CYB561: variants seen among roughly 807,000 people sequenced by gnomAD.
CYB561 encodes the protein transmembrane ascorbate-dependent reductase CYB561.
CYB561 carries 11 observed loss-of-function variants against 25.3 expected under a neutral mutation model. The observed-to-expected ratio is 0.44, with a 90% CI of 0.27 to 0.72. The LOEUF is 0.72. Ranked by LOEUF, CYB561 falls within the 30% of genes least tolerant of loss-of-function variation. The probability of loss-of-function intolerance (pLI) is 0.18; values close to 1 mark genes in which losing one functional copy is unlikely to be tolerated. For missense variants in CYB561, 295 were observed against 334.9 expected, an observed-to-expected ratio of 0.88 and a Z score of 0.93; for synonymous variants, 165 against 158.8, an observed-to-expected ratio of 1.04 and a Z score of -0.29.
Position 63,434,359 on chromosome 17 carries a change from G to C in CYB561, c.*43C>G, listed in dbSNP as rs73327747. 3.6e-3 allele frequency: 5,443 copies of C among 1,494,896 alleles called. 162 individuals are homozygous for C. The African/African-American group carries it at 0.064, about 18-fold the overall frequency. The allele number at this position is 1,494,896 out of a possible 1,614,324, so 92.6% of individuals were successfully genotyped here. A position where few individuals can be genotyped will look rare whatever the true frequency, so the allele number is the denominator to read the frequency against. On this transcript the variant is annotated 3_prime_UTR_variant, in exon 6 of 6. Coordinates refer to ENST00000360793, the MANE Select transcript of CYB561 (RefSeq NM_001915.4). ...TCCTGAAGACGCCTCAGCAGGGGCA[G>C]GCAAGAAGACACCCCGCGAACCCCC... is the stretch of plus-strand genomic sequence containing the variant.
intron 1 of CYB561, among the ~76,000 whole-genome samples, chr17:63,441,898 G>A (rs573803321): frequency 6.6e-5 from 10 of 152,336 alleles, no homozygotes; most frequent in Admixed American, 4.6e-4. Flanking sequence ...GCACTGGTGC[G>A]TGCAAGACAG....
intron 1 of CYB561, 144 bp downstream of exon 1, chr17:63,446,101 T>G (rs1468925310): frequency 1.3e-5 from 2 of 152,194 alleles, no homozygotes; most frequent in African/African-American, 4.8e-5. Context: ...CGCAGTCCAG[T>G]GCGCGGCCGC....
rs2049290929 is a variant in CYB561, at chr17:63,435,739, G to C, written c.354C>G (p.Tyr118Ter). 1 of 1,614,120 alleles carries C rather than the reference G, an allele frequency of 6.2e-7. No homozygotes were observed. Among genetic ancestry groups the C allele is most frequent in the African/African-American group, 1.3e-5 (1 of 74,936 alleles). ...GGATCCCGCACCAGCTGTGTAGGCT[G>C]TACAGGTCAGCGTAGCCCTTCTTCC... ...YHRKKGYADL[Y>*]SLHSWCGILV... Residue 118 changes from tyrosine (Y) to a stop codon, truncating the protein, a stop_gained, in exon 4 of 6, where the codon TAC becomes TAG. Transcript: ENST00000360793. LOFTEE classifies it high-confidence loss of function.
Position 63,436,070 on chromosome 17 carries a change from G to C in CYB561, c.285C>G (p.Leu95=), listed in dbSNP as rs372231804. Residue 95 remains leucine, a synonymous_variant, in exon 3 of 6, where the codon CTC becomes CTG. Transcript: ENST00000360793. This position sits in a 1 kb window ranked among gnomAD's most constrained non-coding sequence, Gnocchi z 4.8. ...GGAACTCACCAACCAGGGCGATGAC[G>C]AGCGCAAAGATGTGCAGCAGCCCGT... ...VLHGLLHIFA[L]VIALVGLVAV... 2.5e-6 allele frequency: 4 copies of C among 1,614,186 alleles called. No individual in the cohort carries two copies. The highest frequency in any genetic ancestry group is 1.7e-5 in the Admixed American group (1 of 60,032).
At chr17:63,444,358 C>T (rs1432835971) in intron 1 of CYB561, among the ~76,000 whole-genome samples, 1 of 152,234 alleles carries the variant, frequency 6.6e-6, no homozygotes, top group Non-Finnish European at 1.5e-5. Flanking sequence ...CTTCTCCAAG[C>T]CTGCTTCCTA....
At chr17:63,440,389 C>T (rs2049362947) in intron 1 of CYB561, among the ~76,000 whole-genome samples, 1 of 152,170 alleles carries the variant, frequency 6.6e-6, no homozygotes, top group Admixed American at 6.5e-5. Context: ...CCCTCCTGAG[C>T]ATCCTCACTG....
At chr17:63,442,464 A>G (rs1243515033) in intron 1 of CYB561, among the ~76,000 whole-genome samples, 1 of 152,146 alleles carries the variant, frequency 6.6e-6, no homozygotes, top group East Asian at 1.9e-4. Flanking sequence ...CAGTCTTGAC[A>G]GCAAGAATAC....
rs565513191 is a variant in CYB561, at chr17:63,433,218, A to G, written c.*1184T>C. ...TGGCTAATTTTTTTGTATTTTTAGT[A>G]GAGACGGGGTTTCACTGTGTTTGTT... On this transcript the variant is annotated 3_prime_UTR_variant, in exon 6 of 6. Coordinates refer to ENST00000360793, the MANE Select transcript of CYB561 (RefSeq NM_001915.4). 2.0e-5 allele frequency: 8 copies of G among 391,334 alleles called. 1 individual carries two copies. The Admixed American group carries it at 2.7e-4, about 13-fold the overall frequency. The allele number at this position is 391,334 out of a possible 1,614,324, so 24.2% of individuals were successfully genotyped here. A position where few individuals can be genotyped will look rare whatever the true frequency, so the allele number is the denominator to read the frequency against.
chr17:63,437,834 A>T (rs1391115388), intron 1 of CYB561: 3 of 346,942 alleles, frequency 8.6e-6, no homozygotes, highest in Non-Finnish European at 1.6e-5. Flanking sequence ...ACCCCGCTAG[A>T]TGGGCACAGC....
intron 1 of CYB561, chr17:63,437,974 C>CCCCCCCCCCCCCCCA: frequency 1.5e-5 from 10 of 652,530 alleles, no homozygotes; most frequent in South Asian, 1.8e-5. Context: ...ACGGCGGCCC[C>CCCCCCCCCCCCCCCA]GCCACCCTCC....
intron 3 of CYB561, 58 bp from the exon 4 acceptor site, chr17:63,435,849 G>T: frequency 6.3e-7 from 1 of 1,594,144 alleles, no homozygotes; most frequent in South Asian, 1.1e-5. Context: ...GAAGGTGTAA[G>T]ATGACCCAGG....
intron 1 of CYB561, 179 bp from the exon 2 acceptor site, chr17:63,437,739 C>A: frequency 2.2e-6 from 1 of 459,626 alleles, no homozygotes; most frequent in Admixed American, 3.7e-5. Context: ...GCACAGCCCC[C>A]CCCGAAATGC....
At chr17:63,439,801 T>C (rs2049356838) in intron 1 of CYB561, among the ~76,000 whole-genome samples, 1 of 152,216 alleles carries the variant, frequency 6.6e-6, no homozygotes, top group Non-Finnish European at 1.5e-5. Context: ...ATCATCATTT[T>C]CGTAACCTCA....
chr17:63,438,819 G>A (rs1242784998), intron 1 of CYB561, among the ~76,000 whole-genome samples: 3 of 152,224 alleles, frequency 2.0e-5, no homozygotes, highest in Non-Finnish European at 4.4e-5. Context: ...GCCGGCCGGA[G>A]AGCACCCAGC....
intron 1 of CYB561, 189 bp from the exon 2 acceptor site, chr17:63,437,749 C>T (rs1257042152): frequency 7.0e-6 from 3 of 425,802 alleles, no homozygotes; most frequent in South Asian, 2.1e-5. Context: ...CCCCGAAATG[C>T]GCACAGCCGC....
At chr17:63,441,577 G>A (rs1199617306) in intron 1 of CYB561, among the ~76,000 whole-genome samples, 1 of 152,236 alleles carries the variant, frequency 6.6e-6, no homozygotes, top group African/African-American at 2.4e-5. Context: ...TTCAAGCCAG[G>A]AGCTAATCTG....
Position 63,435,877 on chromosome 17 carries a change from C to G in CYB561, c.302-86G>C. 2.5e-6 allele frequency: 4 copies of G among 1,581,936 alleles called. No homozygotes were observed. The South Asian group carries it at 4.4e-5, about 18-fold the overall frequency. ...GACCCAGGGGAACCAGCTAGCGGGACTTCTGGGCTTTAGTCCCAGCTCGAG... is the reference window on the plus strand; with the variant it reads ...GACCCAGGGGAACCAGCTAGCGGGAGTTCTGGGCTTTAGTCCCAGCTCGAG... On this transcript the variant is annotated intron_variant, in intron 3 of 5. Transcript: ENST00000360793.
chr17:63,434,699 C>A (rs1047909728), intron 5 of CYB561, 105 bp from the exon 6 acceptor site: 8 of 981,230 alleles, frequency 8.2e-6, no homozygotes, highest in Non-Finnish European at 1.2e-5. Context: ...CCAGCACCAG[C>A]CCCTGCCTCC....
Position 63,434,597 on chromosome 17 carries a change from G to A in CYB561, c.564-3C>T, listed in dbSNP as rs766346324. ...GCTCAAATGCGCTATACTTGCCCCT[G>A]CAGGGGTGAGAGGAAGGGAGAAGCT... is the stretch of plus-strand genomic sequence containing the variant. On this transcript the variant is annotated splice_region_variant and splice_polypyrimidine_tract_variant and intron_variant, in intron 5 of 5. Transcript: ENST00000360793. The A allele has an allele frequency of 4.4e-6, 7 of 1,604,958 alleles. No individual in the cohort carries two copies. The Admixed American group carries it at 1.0e-4, about 23-fold the overall frequency.
Sources: allele counts gnomAD v4.1 joint callset (sites outside exome capture counted in the v4.1 genomes callset), GRCh38; gene constraint gnomAD v4.1.1; non-coding constraint Gnocchi (gnomAD v3.1); transcripts MANE v1.5; gene names NCBI Gene and HGNC (gene_info 2026-07-23, HGNC 2026-07-21).